The following CAPN2 variants were observed in gnomAD, a reference collection of about 807,000 sequenced individuals.
The protein encoded by CAPN2 is calpain-2 catalytic subunit.
A neutral mutation model predicts 102.3 loss-of-function variants in CAPN2; 92 were observed. That is an observed-to-expected ratio of 0.90 (90% CI 0.76 to 1.07). The LOEUF is 1.07. CAPN2 is among the 50% of genes least tolerant of loss of function. The probability of loss-of-function intolerance (pLI) is 0.00; values close to 1 mark genes in which losing one functional copy is unlikely to be tolerated. For missense variants in CAPN2, 800 were observed against 909.4 expected, an observed-to-expected ratio of 0.88 and a Z score of 1.55; for synonymous variants, 340 against 355.4, an observed-to-expected ratio of 0.96 and a Z score of 0.49.
chr1:223,724,446 T>C (rs944342897), intron 2 of CAPN2, among the ~76,000 whole-genome samples: 1 of 152,230 alleles, frequency 6.6e-6, no homozygotes, highest in Non-Finnish European at 1.5e-5. Context: ...ATATCTGCAC[T>C]GCTCCAAACA....
At chr1:223,719,142 A>G (rs902586779) in intron 2 of CAPN2, among the ~76,000 whole-genome samples, 6 of 152,246 alleles carry the variant, frequency 3.9e-5, no homozygotes, top group African/African-American at 1.2e-4. Context: ...AAAAGACAGA[A>G]GATAGAGGTC....
At chr1:223,718,783 T>C (rs960827447) in intron 2 of CAPN2, among the ~76,000 whole-genome samples, 4 of 152,240 alleles carry the variant, frequency 2.6e-5, no homozygotes, top group East Asian at 1.9e-4. Flanking sequence ...CATATACTCC[T>C]AATACCAGCT....
chr1:223,751,045 G>A (rs1660876880), intron 7 of CAPN2, 70 bp downstream of exon 7: 7 of 1,219,648 alleles, frequency 5.7e-6, no homozygotes, highest in Non-Finnish European at 8.3e-6. Context: ...GGAAGAGGGC[G>A]AGAGAAGAAG....
At chr1:223,713,795 A>G (rs7414311) in intron 1 of CAPN2, among the ~76,000 whole-genome samples, 32,736 of 152,174 alleles carry the variant, frequency 0.22, 4,228 homozygotes, top group African/African-American at 0.36. Flanking sequence ...CATAGGTAGC[A>G]AGGGCTGCAG....
At chr1:223,762,466 C>CA (rs1661214128) in intron 14 of CAPN2, among the ~76,000 whole-genome samples, 1 of 152,210 alleles carries the variant, frequency 6.6e-6, no homozygotes, top group Non-Finnish European at 1.5e-5. Context: ...TTTGCATGGT[C>CA]AGCCCTGACT....
chr1:223,747,722 G>A (rs1175806973), intron 5 of CAPN2, among the ~76,000 whole-genome samples: 2 of 152,190 alleles, frequency 1.3e-5, no homozygotes, highest in African/African-American at 4.8e-5. Flanking sequence ...TTAGGCAGGT[G>A]AGGGAACTTC....
At chr1:223,774,708 C>A in intron 20 of CAPN2, 126 bp from the exon 21 acceptor site, 1 of 773,194 alleles carries the variant, frequency 1.3e-6, no homozygotes, top group Non-Finnish European at 2.3e-6. Flanking sequence ...TGAGTTAGTG[C>A]ACTGATATTG....
At chr1:223,702,217 G>A (rs1411003421) in intron 1 of CAPN2, among the ~76,000 whole-genome samples, 2 of 151,984 alleles carry the variant, frequency 1.3e-5, no homozygotes, top group African/African-American at 2.4e-5. Context: ...TTTGAGGTCA[G>A]GAGTTCAAGA....
At chr1:223,729,722 G>T (rs899720148) in intron 2 of CAPN2, among the ~76,000 whole-genome samples, 7 of 152,302 alleles carry the variant, frequency 4.6e-5, no homozygotes, top group African/African-American at 1.7e-4. Context: ...TGGAATCAAG[G>T]CCGGGTGCGG....
At chr1:223,740,658 A>G (rs1660590016) in intron 2 of CAPN2, among the ~76,000 whole-genome samples, 1 of 152,250 alleles carries the variant, frequency 6.6e-6, no homozygotes, top group Non-Finnish European at 1.5e-5. Flanking sequence ...CTTAGGCTAA[A>G]TTGTGGGAGC....
In CAPN2 at chr1:223,752,973, A is replaced by G. The variant is rs1275347788; in HGVS notation, c.1135+17A>G. The G allele has an allele frequency of 3.7e-6, 6 of 1,612,962 alleles. No homozygotes were observed. In the African/African-American group the frequency reaches 5.3e-5, roughly 14 times the overall value. ...ACTACCCGAGTAAGGGCTGTTGCAT[A>G]TAAGGGCTGTTGCAATGCGGGGCCA... On this transcript the variant is annotated intron_variant, in intron 9 of 20. Coordinates refer to ENST00000295006, the MANE Select transcript of CAPN2 (RefSeq NM_001748.5).
chr1:223,712,955 G>A, intron 1 of CAPN2, 78 bp downstream of exon 1: 1 of 1,076,916 alleles, frequency 9.3e-7, no homozygotes, highest in Non-Finnish European at 1.2e-6. Flanking sequence ...CGGCGCGCTG[G>A]GGCGGGGGGC....
intron 5 of CAPN2, 35 bp from the exon 6 acceptor site, chr1:223,749,004 G>C: frequency 6.3e-7 from 1 of 1,581,142 alleles, no homozygotes; most frequent in Non-Finnish European, 8.7e-7. Context: ...AAGGGAGAGC[G>C]GGTGCGGCCA....
chr1:223,753,028 C>G, intron 9 of CAPN2, 72 bp downstream of exon 9: 1 of 1,418,654 alleles, frequency 7.0e-7, no homozygotes, highest in Admixed American at 1.7e-5. Context: ...TTACCCCACC[C>G]TGTGTACCAC....
In CAPN2 at chr1:223,759,507, C is replaced by T. The variant is rs1277301016; in HGVS notation, c.1529+26C>T. The stretch of plus-strand genomic sequence containing the variant: ...GTAGGCGGTTTGGTCCCTTCCTCTC[C>T]CCACCCTTCCCTGTCCCTCCCCACT... On this transcript the variant is annotated intron_variant, in intron 12 of 20. Transcript: ENST00000295006. The surrounding 1 kb of genome is among the most constrained non-coding windows in gnomAD (Gnocchi z 4.6). 1.3e-6 allele frequency: 2 copies of T among 1,592,808 alleles called. No homozygotes were observed. Among genetic ancestry groups the T allele is most frequent in the Non-Finnish European group, 1.7e-6 (2 of 1,162,128 alleles).
At chr1:223,729,789 G>A (rs1237447917) in intron 2 of CAPN2, among the ~76,000 whole-genome samples, 1 of 152,132 alleles carries the variant, frequency 6.6e-6, no homozygotes, top group Non-Finnish European at 1.5e-5. Flanking sequence ...GATCACCTGA[G>A]GTCAGGAGTT....
intron 12 of CAPN2, 125 bp from the exon 13 acceptor site, chr1:223,761,456 G>A (rs6687003): frequency 0.092 from 50,329 of 546,556 alleles, 3,143 homozygotes; most frequent in Admixed American, 0.18. Context: ...TCCCCCCACC[G>A]CAGCCCTGCC....
In CAPN2 at chr1:223,756,048, C is replaced by T. The variant is rs1343978295; in HGVS notation, c.1305+399C>T. ...TCCATGGGTGCAGCTGCTCAGAGCT[C>T]GGCAAAGTCATTGGCCTGGATGGTG... is the stretch of plus-strand genomic sequence containing the variant. On this transcript the variant is annotated intron_variant, in intron 10 of 20. Transcript: ENST00000295006. This position sits in a 1 kb window ranked among gnomAD's most constrained non-coding sequence, Gnocchi z 4.1. Among the ~76,000 whole-genome samples the T allele has an allele frequency of 4.6e-5, 7 of 152,338 alleles. No homozygotes were observed. Among genetic ancestry groups the T allele is most frequent in the South Asian group, 2.1e-4 (1 of 4,826 alleles).
At chr1:223,767,459 G>A (rs1247386650) in intron 16 of CAPN2, among the ~76,000 whole-genome samples, 23 of 147,052 alleles carry the variant, frequency 1.6e-4, no homozygotes, top group South Asian at 4.3e-4. Context: ...TTGTTCTTGC[G>A]ATAGTTTACT....
Sources: gnomAD v4.1 joint callset for allele counts (sites outside exome capture counted in the v4.1 genomes callset) on GRCh38, gnomAD v4.1.1 for gene constraint, Gnocchi (gnomAD v3.1) non-coding constraint, MANE v1.5 for transcripts, NCBI Gene and HGNC (gene_info 2026-07-23, HGNC 2026-07-21) for gene names.